Variants in SLC38A12 observed in about 807,000 individuals in gnomAD.
The protein encoded by SLC38A12 is solute carrier family 38 member 12.
At chr17:74,837,011 G>T in the SLC38A12 span, 2 of 1,135,564 alleles carry the variant, frequency 1.8e-6, no homozygotes, top group South Asian at 6.4e-5. Flanking sequence ...TACTTCCAGG[G>T]CGGGCTACTC....
At chr17:74,814,651 C>T in the SLC38A12 span, among the ~76,000 whole-genome samples, 44 of 152,314 alleles carry the variant, frequency 2.9e-4, 1 homozygote, top group Admixed American at 2.3e-3. Context: ...CACTGCCCCC[C>T]GCAGGAGGCA....
the SLC38A12 span, chr17:74,839,186 G>A: frequency 6.7e-7 from 1 of 1,490,926 alleles, no homozygotes; most frequent in African/African-American, 1.4e-5. Context: ...TGGGGCGGAT[G>A]GCAGGTGATA....
chr17:74,832,105 G>C, the SLC38A12 span, among the ~76,000 whole-genome samples: 1 of 152,140 alleles, frequency 6.6e-6, no homozygotes, highest in Non-Finnish European at 1.5e-5. Context: ...GCCTCGCCAG[G>C]TGGGCAGTGG....
At chr17:74,799,710 T>G in the SLC38A12 span, among the ~76,000 whole-genome samples, 1 of 152,176 alleles carries the variant, frequency 6.6e-6, no homozygotes, top group African/African-American at 2.4e-5. Flanking sequence ...AGCCCTGTTT[T>G]TTCTCGCTCT....
At chr17:74,788,994 G>A in the SLC38A12 span, 1 of 774,258 alleles carries the variant, frequency 1.3e-6, no homozygotes, top group Non-Finnish European at 2.0e-6. Context: ...ACTGCTCCTG[G>A]ACCCCAGTCC....
chr17:74,785,721 C>A, the SLC38A12 span: 19 of 1,366,444 alleles, frequency 1.4e-5, no homozygotes, highest in East Asian at 5.1e-5. Context: ...TACCCCGTAT[C>A]GAGCTCAGTG....
the SLC38A12 span, chr17:74,837,898 C>T: frequency 1.0e-6 from 1 of 985,616 alleles, no homozygotes; most frequent in East Asian, 1.1e-4. Context: ...CTGGCCCCAC[C>T]TGTCCTGGAG....
At chr17:74,782,364 G>A in the SLC38A12 span, among the ~76,000 whole-genome samples, 12 of 152,032 alleles carry the variant, frequency 7.9e-5, no homozygotes, top group Non-Finnish European at 1.5e-4. Context: ...CACCACACCC[G>A]GCCTGTAGTT....
At chr17:74,825,283 C>G in the SLC38A12 span, among the ~76,000 whole-genome samples, 1 of 152,254 alleles carries the variant, frequency 6.6e-6, no homozygotes, top group Non-Finnish European at 1.5e-5. Flanking sequence ...CTGGGCTGTT[C>G]CGTGTCCAGT....
chr17:74,836,874 C>T, the SLC38A12 span: 2 of 1,389,870 alleles, frequency 1.4e-6, no homozygotes, highest in African/African-American at 2.9e-5. The surrounding 1 kb of genome is among the most constrained non-coding windows in gnomAD (Gnocchi z 4.2). Context: ...CACCTGTCCT[C>T]ACTCCCCCGG....
the SLC38A12 span, chr17:74,785,361 T>C: frequency 7.1e-7 from 1 of 1,406,768 alleles, no homozygotes; most frequent in Non-Finnish European, 9.7e-7. Context: ...CCTCCTTCCC[T>C]GTCTACAGTG....
At chr17:74,777,939 T>A in the SLC38A12 span, among the ~76,000 whole-genome samples, 1 of 152,198 alleles carries the variant, frequency 6.6e-6, no homozygotes, top group Non-Finnish European at 1.5e-5. Context: ...AATGTTCATC[T>A]CCAGGCTACC....
At chr17:74,829,155 G>C in the SLC38A12 span, among the ~76,000 whole-genome samples, 4 of 151,764 alleles carry the variant, frequency 2.6e-5, no homozygotes, top group Middle Eastern at 3.4e-3. The surrounding 1 kb of genome is among the most constrained non-coding windows in gnomAD (Gnocchi z 4.1). Context: ...ACAGAGTCTC[G>C]CTCTGTCACC....
At chr17:74,796,797 C>T in the SLC38A12 span, among the ~76,000 whole-genome samples, 2 of 152,220 alleles carry the variant, frequency 1.3e-5, no homozygotes, top group South Asian at 2.1e-4. Flanking sequence ...CCTTCCCCAG[C>T]CTTGGGGCGG....
At chr17:74,816,985 C>T in the SLC38A12 span, among the ~76,000 whole-genome samples, 2 of 151,950 alleles carry the variant, frequency 1.3e-5, no homozygotes, top group African/African-American at 4.8e-5. Flanking sequence ...CCTGCTAGAC[C>T]ATCTGGAGAC....
At chr17:74,777,696 G>C in the SLC38A12 span, 1 of 1,071,812 alleles carries the variant, frequency 9.3e-7, no homozygotes, top group South Asian at 1.3e-5. Context: ...GAAGCGGGCA[G>C]ATCACCTGAG....
chr17:74,819,602 C>G, the SLC38A12 span: 136 of 685,958 alleles, frequency 2.0e-4, 1 homozygote, highest in Middle Eastern at 3.6e-4. Flanking sequence ...CCCAAGGTGA[C>G]CCCAGGGAGC....
the SLC38A12 span, among the ~76,000 whole-genome samples, chr17:74,798,084 A>G: frequency 6.6e-6 from 1 of 152,300 alleles, no homozygotes; most frequent in Non-Finnish European, 1.5e-5. Flanking sequence ...AGGTCGGAGG[A>G]GAATTGAAAG....
At chr17:74,830,096 G>A in the SLC38A12 span, among the ~76,000 whole-genome samples, 1 of 151,422 alleles carries the variant, frequency 6.6e-6, no homozygotes, top group Non-Finnish European at 1.5e-5. Context: ...GTGCTGGTAG[G>A]ACTCCCCGAA....
Sources: gnomAD v4.1 joint callset for allele counts (sites outside exome capture counted in the v4.1 genomes callset) on GRCh38, gnomAD v4.1.1 for gene constraint, Gnocchi (gnomAD v3.1) non-coding constraint, MANE v1.5 for transcripts, NCBI Gene and HGNC (gene_info 2026-07-23, HGNC 2026-07-21) for gene names.